CNTN5: variants seen among roughly 807,000 people sequenced by gnomAD.
The protein encoded by CNTN5 is contactin-5.
In CNTN5, 77 loss-of-function variants were observed where a neutral mutation model predicts 129.1. That is an observed-to-expected ratio of 0.60 (90% confidence interval 0.50 to 0.72). The LOEUF is 0.72. Among genes scored for constraint, CNTN5 ranks in the 30% least tolerant of loss-of-function variants. The probability of loss-of-function intolerance (pLI) is 0.00; values close to 1 mark genes in which losing one functional copy is unlikely to be tolerated. For synonymous variants in CNTN5, 509 were observed against 465.6 expected (o/e 1.09, Z -1.20); for missense variants, 1,478 against 1,328.8 (o/e 1.11, Z -1.75).
At chr11:99,762,813 C>G (rs1247771416) in intron 3 of CNTN5, among the ~76,000 whole-genome samples, 1 of 152,122 alleles carries the variant, frequency 6.6e-6, no homozygotes, top group Non-Finnish European at 1.5e-5. Context: ...CTATAGTACA[C>G]AAATACTTTC....
rs547424193 is a variant in CNTN5 at position 100,124,916 on chromosome 11, T to G, written c.1580+50622T>G. ...CTTTAAGCCAATGGTTCTCAAACTT[T>G]AGTATGCATAAAATTAATCTGGATG... On this transcript the variant is annotated intron_variant, in intron 13 of 24. Transcript: ENST00000524871. 4.6e-5 allele frequency among the ~76,000 whole-genome samples: 7 copies of G among 152,220 alleles called. 1 individual carries two copies. The highest frequency in any genetic ancestry group is 1.7e-4 in the African/African-American group (7 of 41,578).
intron 13 of CNTN5, among the ~76,000 whole-genome samples, chr11:100,086,461 TA>T (rs1287098471): frequency 1.3e-5 from 2 of 148,788 alleles, no homozygotes; most frequent in Non-Finnish European, 3.0e-5. Flanking sequence ...GTTAAAAAAA[TA>T]AATATAATGA....
chr11:99,053,090 C>A (rs765277151), intron 1 of CNTN5, among the ~76,000 whole-genome samples: 1 of 151,948 alleles, frequency 6.6e-6, no homozygotes, highest in East Asian at 1.9e-4. Flanking sequence ...AGTCAATGTA[C>A]AATAATCTTT....
intron 2 of CNTN5, among the ~76,000 whole-genome samples, chr11:99,547,003 C>CT (rs59675284): frequency 0.66 from 85,196 of 128,570 alleles, 28,699 homozygotes; most frequent in East Asian, 0.97. Flanking sequence ...AAATTATTTT[C>CT]TTTTTTTTTT....
intron 3 of CNTN5, among the ~76,000 whole-genome samples, chr11:99,789,763 G>A (rs910146279): frequency 2.0e-5 from 3 of 151,920 alleles, no homozygotes; most frequent in Non-Finnish European, 4.4e-5. Context: ...TGATTGAGAT[G>A]AGAAAATTTT....
At chr11:99,092,094 A>T (rs932113735) in intron 1 of CNTN5, among the ~76,000 whole-genome samples, 2 of 152,122 alleles carry the variant, frequency 1.3e-5, no homozygotes, top group African/African-American at 4.8e-5. Flanking sequence ...AAGAAAGAAA[A>T]TGTGTTTTTT....
chr11:99,826,445 T>A (rs192413989), intron 4 of CNTN5, among the ~76,000 whole-genome samples: 2 of 152,272 alleles, frequency 1.3e-5, no homozygotes, highest in African/African-American at 4.8e-5. Flanking sequence ...CACACATACG[T>A]ACACACAAAA....
intron 1 of CNTN5, among the ~76,000 whole-genome samples, chr11:99,247,604 C>T (rs1220376981): frequency 1.3e-5 from 2 of 149,752 alleles, no homozygotes; most frequent in African/African-American, 4.9e-5. Flanking sequence ...AATGCTATCC[C>T]TCCCCCTTTC....
At chr11:99,425,449 C>T (rs1943076918) in intron 2 of CNTN5, among the ~76,000 whole-genome samples, 1 of 152,220 alleles carries the variant, frequency 6.6e-6, no homozygotes, top group Admixed American at 6.5e-5. Flanking sequence ...GGCCAAGACA[C>T]CCACACCACC....
At chr11:100,273,945 G>A (rs928028526) in intron 18 of CNTN5, among the ~76,000 whole-genome samples, 5 of 152,158 alleles carry the variant, frequency 3.3e-5, no homozygotes, top group African/African-American at 1.2e-4. Flanking sequence ...GAAAGCTGGA[G>A]GCAACATGTT....
At chr11:100,071,215 A>G (rs723747) in intron 11 of CNTN5, among the ~76,000 whole-genome samples, 4,372 of 152,156 alleles carry the variant, frequency 0.029, 211 homozygotes, top group African/African-American at 0.1. Context: ...TATCTGTGTT[A>G]GTTTTTTGGG....
intron 13 of CNTN5, among the ~76,000 whole-genome samples, chr11:100,101,508 ATCT>A: frequency 6.6e-6 from 1 of 152,254 alleles, no homozygotes; most frequent in East Asian, 1.9e-4. Context: ...AGATTCCATC[ATCT>A]TTCCTCATGC....
chr11:100,312,159 C>T (rs1222920786), intron 21 of CNTN5, among the ~76,000 whole-genome samples: 2 of 151,982 alleles, frequency 1.3e-5, no homozygotes, highest in Non-Finnish European at 2.9e-5. Flanking sequence ...AAATCAACAT[C>T]TCATTAATTG....
At chr11:100,117,733 A>T (rs1591274809) in intron 13 of CNTN5, among the ~76,000 whole-genome samples, 2 of 148,454 alleles carry the variant, frequency 1.3e-5, no homozygotes, top group Non-Finnish European at 1.5e-5. Flanking sequence ...TTTGCAGGGC[A>T]TTTTTTTTTT....
At chr11:100,049,966 C>G (rs890441289) in intron 9 of CNTN5, among the ~76,000 whole-genome samples, 1 of 152,102 alleles carries the variant, frequency 6.6e-6, no homozygotes, top group African/African-American at 2.4e-5. Flanking sequence ...ATTAAAAAGT[C>G]AGGAAACAAC....
intron 2 of CNTN5, among the ~76,000 whole-genome samples, chr11:99,411,671 T>C (rs1942400761): frequency 6.6e-6 from 1 of 152,166 alleles, no homozygotes; most frequent in Non-Finnish European, 1.5e-5. Context: ...CTACTTCAAA[T>C]TACTCCTATT....
chr11:100,270,062 T>A (rs1394470519), intron 17 of CNTN5, among the ~76,000 whole-genome samples: 1 of 151,582 alleles, frequency 6.6e-6, no homozygotes, highest in Non-Finnish European at 1.5e-5. Context: ...AGTTGTTTTT[T>A]GTTTGTTTGT....
At chr11:99,157,088 T>C (rs1235601625) in intron 1 of CNTN5, among the ~76,000 whole-genome samples, 1 of 152,020 alleles carries the variant, frequency 6.6e-6, no homozygotes, top group Non-Finnish European at 1.5e-5. Flanking sequence ...GTGGTAAGTT[T>C]TGGTGATGAT....
chr11:99,171,305 T>A (rs1861138534), intron 1 of CNTN5, among the ~76,000 whole-genome samples: 1 of 152,228 alleles, frequency 6.6e-6, no homozygotes, highest in African/African-American at 2.4e-5. Flanking sequence ...GATGTCAAAA[T>A]TTGTATGTAC....
Sources: allele counts gnomAD v4.1 joint callset (sites outside exome capture counted in the v4.1 genomes callset), GRCh38; gene constraint gnomAD v4.1.1; transcripts MANE v1.5; gene names NCBI Gene and HGNC (gene_info 2026-07-23, HGNC 2026-07-21).